Variants in STIMATE observed in about 807,000 individuals in gnomAD.
STIMATE encodes STIM activating enhancer, also known as store-operated calcium entry regulator STIMATE.
A neutral mutation model predicts 36.7 loss-of-function variants in STIMATE; 15 were observed. That is an observed-to-expected ratio of 0.41 (90% CI 0.27 to 0.63). The LOEUF is 0.63. STIMATE is among the 20% of genes least tolerant of loss of function. The pLI, the probability that STIMATE is intolerant of heterozygous loss-of-function variation, is 0.32. For missense variants in STIMATE, 305 were observed against 397.3 expected (o/e 0.77, Z 1.98); for synonymous variants, 163 against 162.3 (o/e 1.00, Z -0.03).
chr3:52,896,221 G>C (rs765756491), intron 1 of STIMATE, among the ~76,000 whole-genome samples: 1 of 152,176 alleles, frequency 6.6e-6, no homozygotes, highest in Non-Finnish European at 1.5e-5. Flanking sequence ...GCACACAGCT[G>C]CAAGATCCCT....
At chr3:52,868,941 AT>A (rs1318603784) in intron 1 of STIMATE, among the ~76,000 whole-genome samples, 1 of 152,108 alleles carries the variant, frequency 6.6e-6, no homozygotes, top group Non-Finnish European at 1.5e-5. Context: ...ACGTTATATC[AT>A]TGCTTCTAAT....
At chr3:52,883,072 T>A (rs189879204) in intron 1 of STIMATE, among the ~76,000 whole-genome samples, 2 of 152,230 alleles carry the variant, frequency 1.3e-5, no homozygotes, top group East Asian at 3.8e-4. Context: ...TAACTAAAGA[T>A]GTCAAAACTT....
At position 52,837,717 on chromosome 3, in the gene STIMATE, G is replaced by A. The variant is rs1455885200; in HGVS notation, c.*2777C>T. On this transcript the variant is annotated 3_prime_UTR_variant, in exon 8 of 8. Coordinates refer to ENST00000355083, the MANE Select transcript of STIMATE (RefSeq NM_198563.5). The stretch of plus-strand genomic sequence containing the variant: ...GTGGCTTGGCTGAGGTCCAGATTTG[G>A]ACAAATCAGATTCATAGCACACAAT... 6.6e-6 allele frequency: 1 copy of A among 152,182 alleles called. No homozygotes were observed. Among genetic ancestry groups the A allele is most frequent in the Non-Finnish European group, 1.5e-5 (1 of 68,026 alleles). 9.4% of individuals were successfully genotyped at this position (152,182 alleles called of 1,614,324 possible).
At chr3:52,878,258 C>T (rs183057700) in intron 1 of STIMATE, among the ~76,000 whole-genome samples, 2 of 151,482 alleles carry the variant, frequency 1.3e-5, no homozygotes, top group East Asian at 3.9e-4. Context: ...CTAGACACCA[C>T]GCATGTGACC....
rs763623867 is a variant in STIMATE at position 52,842,829 on chromosome 3, G to A, written c.750C>T (p.His250=). The change falls in exon 7 of 8, where the codon CAC becomes CAT. Residue 250 remains histidine, a synonymous_variant. Transcript: ENST00000355083. ...SKVRYRRAAS[H]EESESEILIS... ...GCCCTACCTCAGACTCAGACTCCTC[G>A]TGGGATGCGGCCCTCCGGTAGCGGA... 8 of 1,614,224 alleles carry A rather than the reference G, an allele frequency of 5.0e-6. No homozygotes were observed. The East Asian group carries it at 8.9e-5, about 18-fold the overall frequency.
chr3:52,897,404 G>A lies in STIMATE; in HGVS notation c.47C>T (p.Pro16Leu). The A allele has an allele frequency of 6.8e-7, 1 of 1,480,860 alleles. No homozygotes were observed. The highest frequency in any genetic ancestry group is 8.9e-7 in the Non-Finnish European group (1 of 1,122,724). The allele number at this position is 1,480,860 out of a possible 1,614,324, so 91.7% of individuals were successfully genotyped here. ...CGCCCCGGACGCGACTGTGGAGGGC[G>A]GCCCGCCTGGCAGTCCCCGGCTCGC... The part of the protein sequence containing the change: ...GNASRGLPGG[P>L]PSTVASGAGR... Residue 16 changes from proline to leucine, a missense_variant, in exon 1 of 8, where the codon CCG (proline) becomes CTG (leucine). By Grantham distance (98) the Pro-to-Leu change is moderately conservative (BLOSUM62 -3). Around this residue, in one of 3 missense-constraint regions of STIMATE, gnomAD observed 57 missense variants for 57.1 expected, o/e 1.00. Transcript: ENST00000355083.
chr3:52,867,817 G>A (rs944202675), intron 1 of STIMATE, among the ~76,000 whole-genome samples: 9 of 152,194 alleles, frequency 5.9e-5, no homozygotes, highest in Non-Finnish European at 1.0e-4. Context: ...AATGGTAGGG[G>A]AATTGACTTG....
At chr3:52,893,483 G>A (rs112272002) in intron 1 of STIMATE, among the ~76,000 whole-genome samples, 2,620 of 152,170 alleles carry the variant, frequency 0.017, 72 homozygotes, top group African/African-American at 0.059. Context: ...TGTTTTCTAC[G>A]TTTGACATTT....
At chr3:52,896,031 G>C in intron 1 of STIMATE, 1 of 1,034,834 alleles carries the variant, frequency 9.7e-7, no homozygotes, top group Non-Finnish European at 1.3e-6. Context: ...AGAAAAAGTG[G>C]CAAACATAGA....
chr3:52,884,934 G>T lies in STIMATE; in HGVS notation c.160+12357C>A, dbSNP rs992034650. 2.0e-5 allele frequency among the ~76,000 whole-genome samples: 3 copies of T among 152,212 alleles called. 1 individual carries two copies. The South Asian group carries it at 6.2e-4, about 32-fold the overall frequency. On this transcript the variant is annotated intron_variant, in intron 1 of 7. Coordinates refer to ENST00000355083, the MANE Select transcript of STIMATE (RefSeq NM_198563.5). Reference sequence around the variant, plus strand: ...TCTGTTCTCTTGGGTAAATCTCGAGGGGTGAAACTGCTGAGTTGTATGGTA... The same window carrying T: ...TCTGTTCTCTTGGGTAAATCTCGAGTGGTGAAACTGCTGAGTTGTATGGTA...
intron 1 of STIMATE, among the ~76,000 whole-genome samples, chr3:52,885,955 G>A (rs1041957264): frequency 6.6e-6 from 1 of 152,142 alleles, no homozygotes; most frequent in Non-Finnish European, 1.5e-5. Flanking sequence ...TACAGAAGAT[G>A]GGCAAGTTCT....
intron 1 of STIMATE, among the ~76,000 whole-genome samples, chr3:52,884,935 G>C (rs947675495): frequency 6.6e-6 from 1 of 152,108 alleles, no homozygotes; most frequent in Non-Finnish European, 1.5e-5. Context: ...AATCTCGAGG[G>C]GTGAAACTGC....
In STIMATE at chr3:52,837,115, TA is replaced by T. The variant is rs1185519525; in HGVS notation, c.*3378del. 6.5e-6 allele frequency: 1 copy of T among 153,574 alleles called. No individual in the cohort carries two copies. Among genetic ancestry groups the T allele is most frequent in the Non-Finnish European group, 1.4e-5 (1 of 68,978 alleles). The allele number at this position is 153,574 out of a possible 1,614,324, so 9.5% of individuals were successfully genotyped here. A position where few individuals can be genotyped will look rare whatever the true frequency, so the allele number is the denominator to read the frequency against. ...CTTAGCTGCAAGCGTGTGAAACTTC[TA>T]AAAGCCAGCCCCACATTCTACAAGG... On this transcript the variant is annotated 3_prime_UTR_variant, in exon 8 of 8. Coordinates refer to ENST00000355083, the MANE Select transcript of STIMATE (RefSeq NM_198563.5).
intron 1 of STIMATE, among the ~76,000 whole-genome samples, chr3:52,888,168 G>A (rs2106730705): frequency 6.6e-6 from 1 of 151,932 alleles, no homozygotes; most frequent in East Asian, 1.9e-4. Flanking sequence ...ACGTGCTTCT[G>A]AACCCCTTTT....
intron 1 of STIMATE, among the ~76,000 whole-genome samples, chr3:52,876,053 A>G (rs544682837): frequency 2.0e-5 from 3 of 152,350 alleles, no homozygotes; most frequent in Admixed American, 6.5e-5. Context: ...CTGAGTTCCC[A>G]TGAGGAGATC....
intron 1 of STIMATE, among the ~76,000 whole-genome samples, chr3:52,883,830 T>A (rs1191672868): frequency 6.6e-6 from 1 of 152,254 alleles, no homozygotes; most frequent in African/African-American, 2.4e-5. Context: ...AACTTTAGCA[T>A]ATTTATAACT....
intron 1 of STIMATE, among the ~76,000 whole-genome samples, chr3:52,878,380 C>T (rs1422555153): frequency 6.6e-6 from 1 of 151,580 alleles, no homozygotes. Flanking sequence ...CCTCTGCTCC[C>T]GGGCCTAGGA....
At position 52,855,143 on chromosome 3, in the gene STIMATE, C is replaced by A. The variant is rs1276147594; in HGVS notation, c.209+253G>T. ...GGGGACTGATGTATTTGTGTATCTT[C>A]CATCTTCTAGAAGTGGAAGCAGAGT... On this transcript the variant is annotated intron_variant, in intron 2 of 7. Coordinates refer to ENST00000355083, the MANE Select transcript of STIMATE (RefSeq NM_198563.5). Among the ~76,000 whole-genome samples, 5 of 152,106 alleles carry A rather than the reference C, an allele frequency of 3.3e-5. No homozygotes were observed. The South Asian group carries it at 1.0e-3, about 32-fold the overall frequency.
intron 2 of STIMATE, among the ~76,000 whole-genome samples, chr3:52,852,931 C>G (rs963178627): frequency 2.6e-5 from 4 of 152,142 alleles, no homozygotes; most frequent in African/African-American, 9.7e-5. Flanking sequence ...ATTTAAAATA[C>G]GTTTTAAATT....
Sources: gnomAD v4.1 joint callset for allele counts (sites outside exome capture counted in the v4.1 genomes callset) on GRCh38, gnomAD v4.1.1 for gene constraint, gnomAD v4.1.1 regional missense constraint, MANE v1.5 for transcripts, NCBI Gene and HGNC (gene_info 2026-07-23, HGNC 2026-07-21) for gene names.